The following PCDH15 variants were observed in gnomAD, a reference collection of about 807,000 sequenced individuals.
PCDH15 encodes protocadherin-15.
Under a neutral mutation model 178.5 loss-of-function variants are expected in PCDH15, and 129 were observed. The ratio of observed to expected loss-of-function variants is 0.72; its 90% CI spans 0.63 to 0.84. PCDH15 has a LOEUF of 0.84. Ranked by LOEUF, PCDH15 falls within the 40% of genes least tolerant of loss-of-function variation. PCDH15 has a pLI of 0.00. For synonymous variants in PCDH15, 800 were observed against 732.0 expected (o/e 1.09, Z -1.50); for missense variants, 2,230 against 2,099.9 (o/e 1.06, Z -1.21).
At chr10:55,582,630 T>TATATATATATATATA (rs1564465801) in intron 2 of PCDH15, among the ~76,000 whole-genome samples, 1 of 100,200 alleles carries the variant, frequency 1.0e-5, no homozygotes, top group Non-Finnish European at 2.2e-5. Flanking sequence ...ATATATATAT[T>TATATATATATATATA]TTTTTTTTTT....
chr10:55,407,407 T>C (rs1838225304), intron 2 of PCDH15, among the ~76,000 whole-genome samples: 1 of 152,134 alleles, frequency 6.6e-6, no homozygotes. Flanking sequence ...CATAGAGAGA[T>C]GGAGAAGTAT....
At chr10:55,014,076 T>A (rs1214969244) in intron 2 of PCDH15, among the ~76,000 whole-genome samples, 1 of 152,100 alleles carries the variant, frequency 6.6e-6, no homozygotes, top group African/African-American at 2.4e-5. Flanking sequence ...AAGGCAAAAG[T>A]AAGAAGAAAC....
At chr10:54,574,816 C>T (rs1055671224) in intron 2 of PCDH15, among the ~76,000 whole-genome samples, 1 of 146,254 alleles carries the variant, frequency 6.8e-6, no homozygotes, top group African/African-American at 2.5e-5. Context: ...ACCCAAAGGA[C>T]TATAAATCAT....
At chr10:53,927,155 T>TGTGC in intron 25 of PCDH15, among the ~76,000 whole-genome samples, 1 of 151,610 alleles carries the variant, frequency 6.6e-6, no homozygotes, top group East Asian at 1.9e-4. Context: ...TGCAAGTGTG[T>TGTGC]GTGTGTGTGT....
intron 1 of PCDH15, among the ~76,000 whole-genome samples, chr10:54,757,346 G>A (rs552659546): frequency 1.3e-4 from 4 of 30,264 alleles, no homozygotes; most frequent in East Asian, 9.9e-4. Flanking sequence ...GCAGTGGCGC[G>A]ATCTCGACTC....
intron 1 of PCDH15, among the ~76,000 whole-genome samples, chr10:55,178,086 G>A (rs1457259667): frequency 1.3e-5 from 2 of 152,144 alleles, no homozygotes; most frequent in Admixed American, 6.6e-5. Context: ...GCCAATATCT[G>A]GAAAGAGAGA....
intron 7 of PCDH15, among the ~76,000 whole-genome samples, chr10:54,321,689 T>A (rs2061617372): frequency 6.6e-6 from 1 of 152,016 alleles, no homozygotes; most frequent in African/African-American, 2.4e-5. Flanking sequence ...ATAGAATAGA[T>A]ACTGGTGTGT....
At chr10:55,086,739 A>G (rs1842180323) in intron 2 of PCDH15, among the ~76,000 whole-genome samples, 2 of 152,206 alleles carry the variant, frequency 1.3e-5, no homozygotes, top group South Asian at 2.1e-4. Context: ...GTCATTTCTA[A>G]TAAAAGAAAA....
chr10:55,163,292 T>C (rs1011271875), intron 2 of PCDH15, among the ~76,000 whole-genome samples: 6 of 152,116 alleles, frequency 3.9e-5, no homozygotes, highest in African/African-American at 9.7e-5. Flanking sequence ...GATGAACCCA[T>C]TGGGTGGTTA....
intron 17 of PCDH15, among the ~76,000 whole-genome samples, chr10:54,069,773 G>A (rs1226047928): frequency 6.6e-6 from 1 of 152,118 alleles, no homozygotes; most frequent in African/African-American, 2.4e-5. Context: ...GTGCCATAGA[G>A]AATGTTTATG....
intron 2 of PCDH15, among the ~76,000 whole-genome samples, chr10:55,518,310 G>T (rs1227613955): frequency 6.6e-6 from 1 of 151,980 alleles, no homozygotes; most frequent in Non-Finnish European, 1.5e-5. Flanking sequence ...ATCTATCCTT[G>T]CTACTTTAAC....
At chr10:54,656,275 G>T (rs1746468336) in intron 2 of PCDH15, among the ~76,000 whole-genome samples, 1 of 151,962 alleles carries the variant, frequency 6.6e-6, no homozygotes, top group African/African-American at 2.4e-5. Context: ...CTAGGGTACA[G>T]AAAAAGAAAG....
At chr10:54,905,258 AATT>A (rs1228100578) in intron 2 of PCDH15, among the ~76,000 whole-genome samples, 1 of 152,104 alleles carries the variant, frequency 6.6e-6, no homozygotes, top group Non-Finnish European at 1.5e-5. Context: ...TAATAATAAT[AATT>A]ATGTCAGAAC....
intron 2 of PCDH15, among the ~76,000 whole-genome samples, chr10:54,905,724 C>T (rs1173834507): frequency 6.6e-6 from 1 of 152,012 alleles, no homozygotes; most frequent in Non-Finnish European, 1.5e-5. Flanking sequence ...TAATATGAGG[C>T]TCAATAGTTC....
intron 14 of PCDH15, among the ~76,000 whole-genome samples, chr10:54,144,636 A>C (rs1456132892): frequency 1.3e-5 from 2 of 152,134 alleles, no homozygotes; most frequent in Non-Finnish European, 2.9e-5. Flanking sequence ...GCACCCAATT[A>C]AAGCCTTCTT....
intron 9 of PCDH15, among the ~76,000 whole-genome samples, chr10:54,228,566 T>G (rs931581725): frequency 2.0e-5 from 3 of 152,142 alleles, no homozygotes; most frequent in African/African-American, 7.2e-5. Context: ...AAACTGGTGG[T>G]GCATTTTTTA....
intron 26 of PCDH15, among the ~76,000 whole-genome samples, chr10:53,889,368 C>G (rs2081397582): frequency 1.3e-5 from 2 of 151,856 alleles, no homozygotes; most frequent in South Asian, 4.2e-4. Flanking sequence ...GAAAACAAAA[C>G]AAACAACAGA....
At chr10:54,199,976 C>G (rs17611377) in intron 10 of PCDH15, among the ~76,000 whole-genome samples, 28,637 of 151,468 alleles carry the variant, frequency 0.19, 3,064 homozygotes, top group Non-Finnish European at 0.23. Context: ...GAAGGCAAAA[C>G]ATTGAAAAAG....
intron 2 of PCDH15, among the ~76,000 whole-genome samples, chr10:55,001,354 G>A (rs1469380065): frequency 3.9e-5 from 6 of 152,144 alleles, no homozygotes; most frequent in Admixed American, 3.9e-4. Context: ...AACACAAACA[G>A]GGCTAAAATA....
Sources: allele counts gnomAD v4.1 joint callset (sites outside exome capture counted in the v4.1 genomes callset), GRCh38; gene constraint gnomAD v4.1.1; transcripts MANE v1.5; gene names NCBI Gene and HGNC (gene_info 2026-07-23, HGNC 2026-07-21).